RUNX2: variants seen among roughly 807,000 people sequenced by gnomAD.
RUNX2 encodes runt-related transcription factor 2.
Under a neutral mutation model 51.7 loss-of-function variants are expected in RUNX2, and 10 were observed. That is an observed-to-expected ratio of 0.19 (90% CI 0.12 to 0.33). The LOEUF (loss-of-function observed/expected upper bound fraction) is 0.33. Ranked by LOEUF, RUNX2 falls within the 10% of genes least tolerant of loss-of-function variation. The pLI, the probability that RUNX2 is intolerant of heterozygous loss-of-function variation, is 1.00. For missense variants in RUNX2, 562 were observed against 691.3 expected, an observed-to-expected ratio of 0.81 and a Z score of 2.10; for synonymous variants, 276 against 273.6, an observed-to-expected ratio of 1.01 and a Z score of -0.09.
chr6:45,531,663 G>A (rs911871279), intron 7 of RUNX2, among the ~76,000 whole-genome samples: 8 of 152,056 alleles, frequency 5.3e-5, no homozygotes, highest in Non-Finnish European at 1.2e-4. Flanking sequence ...TGAGGCCGGA[G>A]AATCGCTTGA....
intron 5 of RUNX2, among the ~76,000 whole-genome samples, chr6:45,479,624 C>T (rs1206206373): frequency 6.6e-6 from 1 of 152,076 alleles, no homozygotes; most frequent in Non-Finnish European, 1.5e-5. Flanking sequence ...GAATATATTT[C>T]ATATGGACCA....
rs189298318 is a variant in RUNX2, at chr6:45,355,769, A to C, written c.58+26985A>C. Among the ~76,000 whole-genome samples, 620 of 152,310 alleles carry C rather than the reference A, an allele frequency of 4.1e-3. 5 individuals are homozygous for C. The highest frequency in any genetic ancestry group is 0.014 in the African/African-American group (594 of 41,566). ...CTAAATTGGAAGAGGCAGAATAAAA[A>C]ATACTATCAGTGCTTGACTTAGAAA... On this transcript the variant is annotated intron_variant, in intron 2 of 8. Coordinates refer to ENST00000647337, the MANE Select transcript of RUNX2 (RefSeq NM_001024630.4).
chr6:45,446,799 A>G (rs1190047648), intron 5 of RUNX2, among the ~76,000 whole-genome samples: 1 of 152,246 alleles, frequency 6.6e-6, no homozygotes, highest in Admixed American at 6.5e-5. Flanking sequence ...TTAAGCAGGT[A>G]TAAAAAATAA....
intron 2 of RUNX2, among the ~76,000 whole-genome samples, chr6:45,417,492 G>A (rs1798089108): frequency 6.6e-6 from 1 of 152,222 alleles, no homozygotes; most frequent in South Asian, 2.1e-4. Flanking sequence ...AAAAGAATAA[G>A]TTAAATGTTA....
At chr6:45,446,480 T>TC (rs1337985547) in intron 5 of RUNX2, among the ~76,000 whole-genome samples, 3 of 150,290 alleles carry the variant, frequency 2.0e-5, no homozygotes, top group South Asian at 2.1e-4. Flanking sequence ...GAGGTTCCCC[T>TC]CCCCCCCTTT....
intron 3 of RUNX2, among the ~76,000 whole-genome samples, chr6:45,431,065 G>A (rs972576385): frequency 6.6e-6 from 1 of 152,202 alleles, no homozygotes; most frequent in Non-Finnish European, 1.5e-5. Flanking sequence ...TTGTTCCAAA[G>A]ATGGATTAAT....
intron 5 of RUNX2, among the ~76,000 whole-genome samples, chr6:45,457,743 G>A (rs1799355699): frequency 6.6e-6 from 1 of 152,160 alleles, no homozygotes; most frequent in Non-Finnish European, 1.5e-5. Context: ...AGGAGACTAG[G>A]TTGGGGAGGC....
At chr6:45,505,807 C>T (rs1359023611) in intron 6 of RUNX2, among the ~76,000 whole-genome samples, 1 of 152,176 alleles carries the variant, frequency 6.6e-6, no homozygotes, top group African/African-American at 2.4e-5. Flanking sequence ...AGGAACACCA[C>T]CCTAGAAGGA....
chr6:45,485,696 T>TA (rs1563107089), intron 5 of RUNX2, among the ~76,000 whole-genome samples: 1 of 113,914 alleles, frequency 8.8e-6, no homozygotes, highest in South Asian at 2.6e-4. Context: ...TGTGTGTGTG[T>TA]GTATATATAT....
intron 3 of RUNX2, among the ~76,000 whole-genome samples, chr6:45,423,691 G>C (rs887985437): frequency 6.6e-6 from 1 of 152,230 alleles, no homozygotes; most frequent in African/African-American, 2.4e-5. Context: ...CCAGAGGAGG[G>C]GGTGTCAGGG....
intron 2 of RUNX2, among the ~76,000 whole-genome samples, chr6:45,415,834 G>A (rs1469895489): frequency 2.0e-5 from 3 of 152,084 alleles, no homozygotes; most frequent in Admixed American, 1.3e-4. Flanking sequence ...GGTAAAAAAA[G>A]GTGAATTTGG....
chr6:45,343,264 C>A (rs1790191724), intron 2 of RUNX2, among the ~76,000 whole-genome samples: 1 of 152,120 alleles, frequency 6.6e-6, no homozygotes, highest in South Asian at 2.1e-4. Flanking sequence ...AATCCCAGCA[C>A]TTTGGGAGGC....
At chr6:45,521,726 C>T (rs537507175) in intron 7 of RUNX2, among the ~76,000 whole-genome samples, 12 of 151,922 alleles carry the variant, frequency 7.9e-5, no homozygotes, top group Non-Finnish European at 1.5e-4. Flanking sequence ...TTTTTTTTGA[C>T]GCTTTCTGTA....
At chr6:45,517,861 A>G (rs1326296494) in intron 7 of RUNX2, among the ~76,000 whole-genome samples, 1 of 152,192 alleles carries the variant, frequency 6.6e-6, no homozygotes, top group Non-Finnish European at 1.5e-5. Flanking sequence ...CAAACCCAGT[A>G]GAGTTTGAGG....
chr6:45,376,304 G>T (rs1042404918), intron 2 of RUNX2, among the ~76,000 whole-genome samples: 2 of 152,190 alleles, frequency 1.3e-5, no homozygotes, highest in Non-Finnish European at 2.9e-5. Context: ...CAAAGAGCTG[G>T]CTTATCTGAT....
chr6:45,533,748 A>C (rs1182744446), intron 7 of RUNX2, among the ~76,000 whole-genome samples: 1 of 152,188 alleles, frequency 6.6e-6, no homozygotes, highest in Non-Finnish European at 1.5e-5. Flanking sequence ...GTTAAATAAA[A>C]GGTAGTAGTT....
At chr6:45,492,346 T>C (rs1800507576) in intron 6 of RUNX2, among the ~76,000 whole-genome samples, 1 of 152,086 alleles carries the variant, frequency 6.6e-6, no homozygotes, top group South Asian at 2.1e-4. Flanking sequence ...TCTGCAGCAA[T>C]CTCAGTCTAC....
intron 2 of RUNX2, among the ~76,000 whole-genome samples, chr6:45,410,048 T>A (rs1164278727): frequency 3.3e-5 from 5 of 152,232 alleles, no homozygotes; most frequent in Admixed American, 6.5e-5. Context: ...ATATTTGTTT[T>A]CAAATTTGGG....
chr6:45,389,838 C>T (rs1036143129), intron 2 of RUNX2, among the ~76,000 whole-genome samples: 5 of 151,936 alleles, frequency 3.3e-5, no homozygotes, highest in Non-Finnish European at 4.4e-5. Context: ...GGTGAAACCA[C>T]GTCTCTACTA....
Sources: gnomAD v4.1 joint callset for allele counts (sites outside exome capture counted in the v4.1 genomes callset) on GRCh38, gnomAD v4.1.1 for gene constraint, MANE v1.5 for transcripts, NCBI Gene and HGNC (gene_info 2026-07-23, HGNC 2026-07-21) for gene names.